The following CCL25 variants were observed in gnomAD, a reference collection of about 807,000 sequenced individuals.
The protein encoded by CCL25 is C-C motif chemokine ligand 25, also known as C-C motif chemokine 25.
A neutral mutation model predicts 19.9 loss-of-function variants in CCL25; 14 were observed. That is an observed-to-expected ratio of 0.70 (90% confidence interval 0.47 to 1.10). The LOEUF is 1.10. Among genes scored for constraint, CCL25 ranks in the 50% least tolerant of loss-of-function variants. CCL25 has a pLI of 0.00. For synonymous variants in CCL25, 68 were observed against 73.2 expected, an observed-to-expected ratio of 0.93 and a Z score of 0.36; for missense variants, 151 against 181.2, an observed-to-expected ratio of 0.83 and a Z score of 0.96.
intron 5 of CCL25, among the ~76,000 whole-genome samples, chr19:8,060,685 ATT>A (rs768184366): frequency 7.1e-6 from 1 of 141,670 alleles, no homozygotes; most frequent in Non-Finnish European, 1.6e-5. Flanking sequence ...CTTACCAGGG[ATT>A]TTTTTTTTTT....
At chr19:8,059,550 C>A (rs1048596861) in intron 5 of CCL25, among the ~76,000 whole-genome samples, 4 of 152,020 alleles carry the variant, frequency 2.6e-5, no homozygotes, top group Admixed American at 2.0e-4. Context: ...AGGACTCAGT[C>A]CCACAAGACT....
At chr19:8,058,023 C>T (rs2081284628) in intron 5 of CCL25, 103 bp downstream of exon 5, 8 of 1,501,804 alleles carry the variant, frequency 5.3e-6, no homozygotes, top group Non-Finnish European at 8.9e-7. Context: ...ACCTCCAGGA[C>T]CCAGGAGAGG....
chr19:8,056,315 C>T, intron 3 of CCL25, 46 bp downstream of exon 3: 1 of 1,607,482 alleles, frequency 6.2e-7, no homozygotes, highest in Non-Finnish European at 8.5e-7. Flanking sequence ...CACACACAGC[C>T]TTGCTGCCAG....
At chr19:8,062,078 AAAG>A in intron 5 of CCL25, 137 bp from the exon 6 acceptor site, 1 of 772,998 alleles carries the variant, frequency 1.3e-6, no homozygotes, top group East Asian at 2.6e-5. Flanking sequence ...AGTTAGCATA[AAAG>A]ATTCTAGCAC....
At chr19:8,058,660 T>C (rs1191590479) in intron 5 of CCL25, among the ~76,000 whole-genome samples, 1 of 128,376 alleles carries the variant, frequency 7.8e-6, no homozygotes, top group African/African-American at 3.0e-5. Context: ...TATATATATT[T>C]ATTATTATTT....
chr19:8,054,692 T>C (rs998832745), intron 2 of CCL25, among the ~76,000 whole-genome samples: 128 of 150,500 alleles, frequency 8.5e-4, no homozygotes, highest in African/African-American at 2.8e-3. Flanking sequence ...CCACAGTGCC[T>C]GTGCTTCCCC....
At chr19:8,059,094 AT>A (rs2081298069) in intron 5 of CCL25, among the ~76,000 whole-genome samples, 1 of 101,514 alleles carries the variant, frequency 9.9e-6, no homozygotes, top group African/African-American at 3.6e-5. Context: ...AATATATATA[AT>A]GTATATATTT....
At position 8,055,200 on chromosome 19, in the gene CCL25, A is replaced by T. The variant is rs1258036392; in HGVS notation, c.74-952A>T. Among the ~76,000 whole-genome samples the T allele has an allele frequency of 1.4e-3, 176 of 124,592 alleles. 2 individuals carry two copies. Among genetic ancestry groups the T allele is most frequent in the African/African-American group, 4.9e-3 (167 of 33,820 alleles). The allele number at this position is 124,592 out of a possible 152,430, so 81.7% of individuals were successfully genotyped here. ...GCTACTCGGGAGGCTGAGGCAGGAG[A>T]ATCGCTTGAACCCGGGAGGCAGAGG... On this transcript the variant is annotated intron_variant, in intron 2 of 5. Coordinates refer to ENST00000315626, the MANE Select transcript of CCL25 (RefSeq NM_005624.4).
intron 4 of CCL25, among the ~76,000 whole-genome samples, chr19:8,056,743 G>A (rs1568334349): frequency 6.6e-6 from 1 of 152,144 alleles, no homozygotes; most frequent in Non-Finnish European, 1.5e-5. Flanking sequence ...GCAGTAGCAT[G>A]ATCATAGCTC....
At chr19:8,052,939 G>A (rs900994899) in intron 1 of CCL25, 61 bp from the exon 2 acceptor site, 8 of 634,962 alleles carry the variant, frequency 1.3e-5, no homozygotes, top group Non-Finnish European at 2.2e-5. Flanking sequence ...GAGGGGGGAT[G>A]TTCCCAGTAC....
chr19:8,053,243 T>G (rs2081245728), intron 2 of CCL25, 121 bp downstream of exon 2: 1 of 569,080 alleles, frequency 1.8e-6, no homozygotes, highest in Non-Finnish European at 3.0e-6. Flanking sequence ...ATTCTCCCGC[T>G]CCTGACATGC....
intron 2 of CCL25, among the ~76,000 whole-genome samples, chr19:8,054,467 C>T (rs977425959): frequency 6.6e-6 from 1 of 152,214 alleles, no homozygotes. Context: ...CCTTTCCCTG[C>T]TCCTGCTGGG....
intron 5 of CCL25, among the ~76,000 whole-genome samples, chr19:8,061,710 A>G (rs934659901): frequency 5.9e-5 from 9 of 151,730 alleles, no homozygotes; most frequent in Non-Finnish European, 1.3e-4. Flanking sequence ...ATTAGCACAA[A>G]AGGCCAGGTG....
Position 8,053,015 on chromosome 19 carries a change from G to A in CCL25, c.-35G>A, listed in dbSNP as rs369873567. On this transcript the variant is annotated 5_prime_UTR_variant, in exon 2 of 6. Transcript: ENST00000315626. ...ACGACCCCAGGTGGCCCCGTTATTC[G>A]TCCAGGTGCCCAGGGAGGAGGACCC... The A allele has an allele frequency of 4.9e-4, 746 of 1,508,838 alleles. 2 individuals are homozygous for A. The Middle Eastern group carries it at 0.016, about 33-fold the overall frequency. 93.5% of individuals were successfully genotyped at this position (1,508,838 alleles called of 1,614,324 possible). A position where few individuals can be genotyped will look rare whatever the true frequency, so the allele number is the denominator to read the frequency against.
At chr19:8,057,443 C>G (rs150765562) in intron 4 of CCL25, among the ~76,000 whole-genome samples, 134 of 152,298 alleles carry the variant, frequency 8.8e-4, no homozygotes, top group African/African-American at 3.2e-3. Context: ...AATCCTCCCA[C>G]GTCAGCCTCC....
At chr19:8,060,410 G>A (rs143544863) in intron 5 of CCL25, among the ~76,000 whole-genome samples, 293 of 152,234 alleles carry the variant, frequency 1.9e-3, no homozygotes, top group Middle Eastern at 6.8e-3. Flanking sequence ...TGCTTAGGTA[G>A]GCAAAGACTG....
intron 5 of CCL25, among the ~76,000 whole-genome samples, chr19:8,058,594 T>G (rs1221914552): frequency 7.7e-6 from 1 of 129,306 alleles, no homozygotes; most frequent in African/African-American, 2.9e-5. Context: ...ATATAATATA[T>G]AAATAATATA....
intron 2 of CCL25, among the ~76,000 whole-genome samples, chr19:8,053,573 G>T (rs1310131684): frequency 4.4e-5 from 6 of 135,078 alleles, no homozygotes; most frequent in African/African-American, 1.1e-4. Flanking sequence ...TTTTGAGACA[G>T]AGTCTCACTC....
chr19:8,056,428 G>C lies in CCL25; in HGVS notation c.254G>C (p.Arg85Thr), dbSNP rs1317781324. ...AACCCCAAAAGCAGGGAGGTGCAGA[G>C]AGCCATGAAGCTCCTGGATGCTCGA... ...CGNPKSREVQ[R>T]AMKLLDARNK... Residue 85 changes from arginine (R) to threonine (T), a missense_variant, in exon 4 of 6, where the codon AGA becomes ACA. By Grantham distance (71) the Arg-to-Thr change is moderately conservative (BLOSUM62 -1). Coordinates refer to ENST00000315626, the MANE Select transcript of CCL25 (RefSeq NM_005624.4). 6.2e-7 allele frequency: 1 copy of C among 1,614,142 alleles called. No individual in the cohort carries two copies.
Sources: allele counts gnomAD v4.1 joint callset (sites outside exome capture counted in the v4.1 genomes callset), GRCh38; gene constraint gnomAD v4.1.1; transcripts MANE v1.5; gene names NCBI Gene and HGNC (gene_info 2026-07-23, HGNC 2026-07-21).